The following BCAR3 variants were observed in gnomAD, a reference collection of about 807,000 sequenced individuals.
BCAR3 encodes BCAR3 adaptor protein, NSP family member, also known as breast cancer anti-estrogen resistance protein 3.
Under a neutral mutation model 80.1 loss-of-function variants are expected in BCAR3, and 37 were observed. That is an observed-to-expected ratio of 0.46 (90% CI 0.36 to 0.61). BCAR3 has a LOEUF of 0.61. Among genes scored for constraint, BCAR3 ranks in the 20% least tolerant of loss-of-function variants. BCAR3 has a pLI of 0.00. For synonymous variants in BCAR3, 389 were observed against 418.9 expected, an observed-to-expected ratio of 0.93 and a Z score of 0.87; for missense variants, 978 against 1,068.2, an observed-to-expected ratio of 0.92 and a Z score of 1.18.
intron 11 of BCAR3, among the ~76,000 whole-genome samples, 160 bp from the exon 12 acceptor site, chr1:93,562,579 C>G (rs931391030): frequency 4.0e-5 from 6 of 151,838 alleles, no homozygotes; most frequent in Admixed American, 1.3e-4. Context: ...ACCATCCTGG[C>G]TAACACAGTG....
intron 2 of BCAR3, among the ~76,000 whole-genome samples, chr1:93,731,879 C>T (rs1650804643): frequency 6.6e-6 from 1 of 152,132 alleles, no homozygotes; most frequent in African/African-American, 2.4e-5. Flanking sequence ...CCTCACCTGC[C>T]CCCACTGCCT....
chr1:93,608,746 C>A (rs1016831796), intron 3 of BCAR3, among the ~76,000 whole-genome samples: 8 of 152,230 alleles, frequency 5.3e-5, no homozygotes, highest in African/African-American at 1.4e-4. Context: ...CCAGATCCCA[C>A]CCAACCAGAT....
chr1:93,786,815 G>A (rs756554425), intron 2 of BCAR3, among the ~76,000 whole-genome samples: 3 of 152,214 alleles, frequency 2.0e-5, no homozygotes, highest in Non-Finnish European at 4.4e-5. Flanking sequence ...ACATCAGGCT[G>A]AGGAAGGAGT....
intron 2 of BCAR3, among the ~76,000 whole-genome samples, chr1:93,774,098 G>C (rs1386353283): frequency 3.3e-5 from 5 of 152,142 alleles, no homozygotes; most frequent in Non-Finnish European, 7.3e-5. Context: ...AGGAAGTTAA[G>C]AGCAATCAGG....
intron 1 of BCAR3, among the ~76,000 whole-genome samples, chr1:93,675,925 C>CAAAAAAAAAAAAAAAAAAAAAA (rs58706715): frequency 3.9e-5 from 2 of 51,438 alleles, no homozygotes; most frequent in African/African-American, 5.3e-5. Context: ...AAATAGGAGA[C>CAAAAAAAAAAAAAAAAAAAAAA]AAAAAAAAAA....
intron 3 of BCAR3, among the ~76,000 whole-genome samples, chr1:93,699,206 A>T (rs148698483): frequency 1.2e-3 from 185 of 152,266 alleles, no homozygotes; most frequent in African/African-American, 4.2e-3. Context: ...TCCAATTTGA[A>T]TTCTCCCCTC....
intron 2 of BCAR3, among the ~76,000 whole-genome samples, chr1:93,762,315 C>T (rs1651975313): frequency 6.6e-6 from 1 of 152,162 alleles, no homozygotes; most frequent in Non-Finnish European, 1.5e-5. Context: ...TGCTAACAGA[C>T]CCCTGAAGGG....
intron 2 of BCAR3, among the ~76,000 whole-genome samples, chr1:93,807,837 C>T (rs973055720): frequency 6.6e-6 from 1 of 151,892 alleles, no homozygotes; most frequent in African/African-American, 2.4e-5. Flanking sequence ...AGTTCCAGGT[C>T]AGCCTTGGCA....
chr1:93,761,329 A>G (rs1651938125), intron 2 of BCAR3, among the ~76,000 whole-genome samples: 2 of 152,172 alleles, frequency 1.3e-5, no homozygotes, highest in Admixed American at 1.3e-4. Context: ...ACCAGTGTAG[A>G]ACTGCTCAGA....
Position 93,592,415 on chromosome 1 carries a change from G to A in BCAR3, c.358-22C>T. On this transcript the variant is annotated intron_variant, in intron 3 of 11. Coordinates refer to ENST00000260502, the MANE Select transcript of BCAR3 (RefSeq NM_003567.4). The surrounding 1 kb of genome is among the most constrained non-coding windows in gnomAD (Gnocchi z 4.8). ...AGAACTGCAACACAGAGTCAACCAT[G>A]AGCTCACCCTGCCCAGGCCACACCA... 6.3e-7 allele frequency: 1 copy of A among 1,577,554 alleles called. No homozygotes were observed. The highest frequency in any genetic ancestry group is 1.1e-5 in the South Asian group (1 of 87,254).
rs148644592 is a variant in BCAR3, at chr1:93,771,051, C to T, written c.-62-64909G>A. On this transcript the variant is annotated intron_variant, in intron 2 of 13. Coordinates refer to the BCAR3 transcript ENST00000370244. ...CTTTATTTCCAATCCAGTCCTTATC[C>T]AGTACTAATAATACTAGCTAATGTT... Among the ~76,000 whole-genome samples, 374 of 152,240 alleles carry T rather than the reference C, an allele frequency of 2.5e-3. 2 individuals carry two copies. Among genetic ancestry groups the T allele is most frequent in the African/African-American group, 8.8e-3 (365 of 41,532 alleles).
At chr1:93,832,768 T>C (rs1654618607) in intron 2 of BCAR3, among the ~76,000 whole-genome samples, 1 of 152,176 alleles carries the variant, frequency 6.6e-6, no homozygotes, top group Non-Finnish European at 1.5e-5. Flanking sequence ...AAACATTCTT[T>C]TATGCACTCC....
chr1:93,779,504 T>C (rs1381911246), intron 2 of BCAR3, among the ~76,000 whole-genome samples: 1 of 151,886 alleles, frequency 6.6e-6, no homozygotes, highest in Non-Finnish European at 1.5e-5. Flanking sequence ...GGATAGTGAG[T>C]GATGAGTAGG....
intron 8 of BCAR3, among the ~76,000 whole-genome samples, chr1:93,574,796 A>G (rs1673380647): frequency 6.6e-6 from 1 of 152,242 alleles, no homozygotes; most frequent in Admixed American, 6.5e-5. Flanking sequence ...GAAAAGTCTC[A>G]TCAGGAAGAG....
At chr1:93,811,706 TCTG>T (rs1476021209) in intron 2 of BCAR3, among the ~76,000 whole-genome samples, 1 of 152,206 alleles carries the variant, frequency 6.6e-6, no homozygotes, top group Non-Finnish European at 1.5e-5. Flanking sequence ...ATCCTGGCTT[TCTG>T]GGTTCAGAAA....
At chr1:93,826,805 T>TGTGC (rs1427196411) in intron 2 of BCAR3, among the ~76,000 whole-genome samples, 3 of 152,138 alleles carry the variant, frequency 2.0e-5, no homozygotes, top group African/African-American at 7.2e-5. Context: ...TGTGTGTGTG[T>TGTGC]GTGCGTGCAT....
chr1:93,762,592 C>G (rs757157498), intron 2 of BCAR3, among the ~76,000 whole-genome samples: 1 of 152,200 alleles, frequency 6.6e-6, no homozygotes, highest in African/African-American at 2.4e-5. Context: ...GTGCTACGGA[C>G]TCATGCTTCT....
At chr1:93,673,084 T>G (rs544347859) in intron 2 of BCAR3, among the ~76,000 whole-genome samples, 22 of 152,208 alleles carry the variant, frequency 1.4e-4, no homozygotes, top group Non-Finnish European at 3.1e-4. Context: ...TATACAAATA[T>G]GAGCTTAAAT....
chr1:93,841,702 G>A (rs572874716), intron 2 of BCAR3, among the ~76,000 whole-genome samples: 4 of 152,174 alleles, frequency 2.6e-5, no homozygotes, highest in African/African-American at 7.2e-5. Context: ...TTCCCCTTTC[G>A]GGACCAGATC....
Sources: gnomAD v4.1 joint callset for allele counts (sites outside exome capture counted in the v4.1 genomes callset) on GRCh38, gnomAD v4.1.1 for gene constraint, Gnocchi (gnomAD v3.1) non-coding constraint, MANE v1.5 for transcripts, NCBI Gene and HGNC (gene_info 2026-07-23, HGNC 2026-07-21) for gene names.